Variants in HNRNPL observed in about 807,000 individuals in gnomAD.
The protein encoded by HNRNPL is heterogeneous nuclear ribonucleoprotein L.
Under a neutral mutation model 64.0 loss-of-function variants are expected in HNRNPL, and 12 were observed. The observed-to-expected ratio is 0.19, with a 90% confidence interval of 0.12 to 0.30. The LOEUF is 0.30. Among genes scored for constraint, HNRNPL ranks in the 10% least tolerant of loss-of-function variants. The probability of loss-of-function intolerance (pLI) is 1.00; values close to 1 mark genes in which losing one functional copy is unlikely to be tolerated. For missense variants in HNRNPL, 484 were observed against 797.4 expected (o/e 0.61, Z 4.73); for synonymous variants, 385 against 313.0 (o/e 1.23, Z -2.43).
Position 38,837,604 on chromosome 19 carries a change from G to A in HNRNPL, c.1605C>T (p.Phe535=). The change falls in exon 11 of 13, where the codon TTC becomes TTT. Residue 535 remains phenylalanine (F), a synonymous_variant. Transcript: ENST00000221419. The stretch of plus-strand genomic sequence containing the variant: ...GCACACTCGACTCACTTTTGCCTGA[G>A]AATACTTTCACAGAAGATGGCCGCT... ...GVKRPSSVKV[F]SGKSERSSSG... 6.2e-7 allele frequency: 1 copy of A among 1,614,216 alleles called. No homozygotes were observed. Among genetic ancestry groups the A allele is most frequent in the African/African-American group, 1.3e-5 (1 of 75,058 alleles).
chr19:38,847,490 A>G, intron 1 of HNRNPL, 56 bp from the exon 2 acceptor site: 1 of 1,049,112 alleles, frequency 9.5e-7, no homozygotes, highest in Non-Finnish European at 1.4e-6. Flanking sequence ...ATGACGCCCC[A>G]CTGGCCTCTG....
chr19:38,847,453 A>T lies in HNRNPL; in HGVS notation c.268-19T>A. On this transcript the variant is annotated intron_variant, in intron 1 of 12. Coordinates refer to ENST00000221419, the MANE Select transcript of HNRNPL (RefSeq NM_001533.3). The stretch of plus-strand genomic sequence containing the variant: ...AGTTCTCCTGAGAAAGGAAGCAAAA[A>T]CAAGAATTATTTTCTTGCTGTACAA... The T allele has an allele frequency of 2.1e-6, 3 of 1,430,398 alleles. No individual in the cohort carries two copies. The highest frequency in any genetic ancestry group is 2.8e-6 in the Non-Finnish European group (3 of 1,062,806). The allele number at this position is 1,430,398 out of a possible 1,614,324, so 88.6% of individuals were successfully genotyped here.
rs1208063735 is a variant in HNRNPL at position 38,840,320 on chromosome 19, G to A, written c.1009C>T (p.Pro337Ser). ...ATCCTTCTCCCTTCGTAGTGAGGTG[G>A]GGGGGGCCCGTAGCCCTCATCATGG... ...HYHDEGYGPP[P>S]PHYEGRRMGP... The change falls in exon 8 of 13, where the codon CCA becomes TCA. Residue 337 changes from proline to serine, a missense_variant. By Grantham distance (74) the Pro-to-Ser change is moderately conservative. This residue lies in a region of HNRNPL where 46 missense variants were observed against 37.4 expected (regional missense o/e 1.23). Transcript: ENST00000221419. 1 of 1,544,156 alleles carries A rather than the reference G, an allele frequency of 6.5e-7. No individual in the cohort carries two copies. The highest frequency in any genetic ancestry group is 1.4e-5 in the African/African-American group (1 of 73,530).
intron 5 of HNRNPL, 39 bp downstream of exon 5, chr19:38,843,969 G>A (rs200635144): frequency 6.2e-7 from 1 of 1,606,398 alleles, no homozygotes; most frequent in East Asian, 2.2e-5. Flanking sequence ...AGCTCACCTG[G>A]AAGCTGACAA....
chr19:38,847,595 A>G lies in HNRNPL; in HGVS notation c.268-161T>C, dbSNP rs79012593. The G allele has an allele frequency of 8.0e-4, 318 of 398,530 alleles. 3 individuals carry two copies. The highest frequency in any genetic ancestry group is 5.2e-3 in the African/African-American group (252 of 48,656). The allele number at this position is 398,530 out of a possible 1,614,324, so 24.7% of individuals were successfully genotyped here. On this transcript the variant is annotated intron_variant, in intron 1 of 12. Transcript: ENST00000221419. ...GGCAGCAATTGAAGCCAATCAGCCCAGAAGGATTCTGGGTCAGCAGAACAG... is the reference window on the plus strand; with the variant it reads ...GGCAGCAATTGAAGCCAATCAGCCCGGAAGGATTCTGGGTCAGCAGAACAG...
intron 1 of HNRNPL, among the ~76,000 whole-genome samples, chr19:38,848,628 C>G (rs934103014): frequency 6.6e-6 from 1 of 152,218 alleles, no homozygotes; most frequent in Non-Finnish European, 1.5e-5. Context: ...TCCACGCGAA[C>G]CACAGGGTGA....
At chr19:38,837,570 A>G (rs370733122) in intron 11 of HNRNPL, 24 bp downstream of exon 11, 6 of 1,613,230 alleles carry the variant, frequency 3.7e-6, no homozygotes, top group Non-Finnish European at 5.1e-6. Context: ...AATTAGGGCA[A>G]GGAGGTGGGC....
Position 38,843,942 on chromosome 19 carries a change from G to A in HNRNPL, c.808-28C>T, listed in dbSNP as rs761370201. 23 of 1,612,402 alleles carry A rather than the reference G, an allele frequency of 1.4e-5. No individual in the cohort carries two copies. In the East Asian group the frequency reaches 4.2e-4, roughly 30 times the overall value. ...GCAAGGACAGGACAAGACAAGACTT[G>A]AGGTCAGCCATGCCCCAGCTCACCT... On this transcript the variant is annotated intron_variant, in intron 5 of 12. Transcript: ENST00000221419.
At chr19:38,842,780 G>A (rs1175325112) in intron 6 of HNRNPL, among the ~76,000 whole-genome samples, 3 of 152,060 alleles carry the variant, frequency 2.0e-5, no homozygotes, top group South Asian at 4.1e-4. Flanking sequence ...CCAAAGCTGA[G>A]AGGCATCAAA....
At chr19:38,839,498 G>C (rs1164934517) in intron 8 of HNRNPL, 1 of 175,444 alleles carries the variant, frequency 5.7e-6, no homozygotes, top group Non-Finnish European at 1.2e-5. Flanking sequence ...CACTTCCCCT[G>C]TCCATCTCAT....
chr19:38,850,327 G>A (rs540167001), upstream of HNRNPL: 263 of 231,974 alleles, frequency 1.1e-3, no homozygotes, highest in Middle Eastern at 0.011. Context: ...CACTTTCATT[G>A]GTCTCCTCGC....
upstream of HNRNPL, chr19:38,852,259 C>G (rs1161159557): frequency 6.6e-6 from 1 of 150,944 alleles, no homozygotes; most frequent in Non-Finnish European, 1.5e-5. Flanking sequence ...GCCAGTGCCC[C>G]GGTCACCTTC....
chr19:38,851,913 A>G (rs1235505005), upstream of HNRNPL, among the ~76,000 whole-genome samples: 6 of 151,862 alleles, frequency 4.0e-5, no homozygotes, highest in African/African-American at 1.5e-4. Context: ...CGGAACAGAG[A>G]CGGGGGCGGG....
chr19:38,837,103 C>T (rs1431758265), intron 12 of HNRNPL: 2 of 556,030 alleles, frequency 3.6e-6, no homozygotes, highest in Non-Finnish European at 3.2e-6. Flanking sequence ...GGCTTTCCTA[C>T]CTAAGCCAGT....
At position 38,845,838 on chromosome 19, in the gene HNRNPL, C is replaced by A. The variant is rs182629328; in HGVS notation, c.624+15G>T. 531 of 1,609,392 alleles carry A rather than the reference C, an allele frequency of 3.3e-4. 5 individuals carry two copies. The African/African-American group carries it at 5.6e-3, about 17-fold the overall frequency. Reference sequence around the variant, plus strand: ...AGGAAGGGAGACCTCACAAGAAATGCCTGCTGGCACGTACCGTGGTGATCG... The same window carrying A: ...AGGAAGGGAGACCTCACAAGAAATGACTGCTGGCACGTACCGTGGTGATCG... On this transcript the variant is annotated intron_variant, in intron 3 of 12. Transcript: ENST00000221419.
chr19:38,847,059 GCGAGACCT>G (rs1479418057), intron 2 of HNRNPL, among the ~76,000 whole-genome samples: 1 of 152,202 alleles, frequency 6.6e-6, no homozygotes, highest in Non-Finnish European at 1.5e-5. Flanking sequence ...GGGCCACAAA[GCGAGACCT>G]TGCTCTGTCT....
chr19:38,840,848 C>T, intron 6 of HNRNPL: 1 of 449,530 alleles, frequency 2.2e-6, no homozygotes, highest in East Asian at 4.4e-5. Context: ...GGGAGAAAGC[C>T]CAGCTCCCAG....
In HNRNPL at chr19:38,840,141, A is replaced by G. The variant is rs1307672634; in HGVS notation, c.1188T>C (p.Cys396=). 2 of 1,605,664 alleles carry G rather than the reference A, an allele frequency of 1.2e-6. No homozygotes were observed. Among genetic ancestry groups the G allele is most frequent in the Non-Finnish European group, 1.7e-6 (2 of 1,176,352 alleles). Residue 396 remains cysteine, a synonymous_variant, in exon 8 of 13, where the codon TGT becomes TGC. Transcript: ENST00000221419. Reference sequence around the variant, plus strand: ...AGCAGAAGACATTGAAGACTCGGTCACAGTTCATCTTAGATTGATCCAAGC... The same window carrying G: ...AGCAGAAGACATTGAAGACTCGGTCGCAGTTCATCTTAGATTGATCCAAGC... ...VYGLDQSKMN[C]DRVFNVFCLY...
At chr19:38,850,620 T>C (rs1211631749), upstream of HNRNPL, among the ~76,000 whole-genome samples, 2 of 152,182 alleles carry the variant, frequency 1.3e-5, no homozygotes, top group Non-Finnish European at 2.9e-5. Context: ...GCAAATACGC[T>C]TTCAGGCACC....
Sources: allele counts gnomAD v4.1 joint callset (sites outside exome capture counted in the v4.1 genomes callset), GRCh38; gene constraint gnomAD v4.1.1; regional missense constraint gnomAD v4.1.1; transcripts MANE v1.5; gene names NCBI Gene and HGNC (gene_info 2026-07-23, HGNC 2026-07-21).